Variants in GRM4 observed in about 807,000 individuals in gnomAD.
GRM4 encodes the protein glutamate metabotropic receptor 4.
Under a neutral mutation model 81.7 loss-of-function variants are expected in GRM4, and 28 were observed. The ratio of observed to expected loss-of-function variants is 0.34; its 90% CI spans 0.25 to 0.47. The LOEUF (loss-of-function observed/expected upper bound fraction) is 0.47. GRM4 is among the 20% of genes least tolerant of loss of function. The pLI is 1.00. For synonymous variants in GRM4, 488 were observed against 528.8 expected (o/e 0.92, Z 1.06); for missense variants, 948 against 1,290.0 (o/e 0.73, Z 4.06).
chr6:34,023,054 G>A (rs1384031872), intron 10 of GRM4, among the ~76,000 whole-genome samples, 184 bp from the exon 11 acceptor site: 1 of 152,244 alleles, frequency 6.6e-6, no homozygotes, highest in Non-Finnish European at 1.5e-5. Context: ...CCACCCGGTT[G>A]CTTCTCCTGC....
At chr6:34,112,740 C>A (rs1013731971) in intron 2 of GRM4, among the ~76,000 whole-genome samples, 1 of 152,066 alleles carries the variant, frequency 6.6e-6, no homozygotes, top group Non-Finnish European at 1.5e-5. Context: ...CCGCCCTATC[C>A]CCTGCCTGGC....
At chr6:34,132,935 C>G (rs372545022) in intron 2 of GRM4, 43 bp downstream of exon 2, 3 of 1,514,286 alleles carry the variant, frequency 2.0e-6, no homozygotes, top group African/African-American at 1.4e-5. Flanking sequence ...GGGCAGAGTC[C>G]GTTGGGGGAA....
intron 8 of GRM4, among the ~76,000 whole-genome samples, chr6:34,037,417 T>C (rs908874254): frequency 6.6e-6 from 1 of 152,206 alleles, no homozygotes; most frequent in Non-Finnish European, 1.5e-5. Context: ...ACCTGGGAGC[T>C]GTATTCAAAG....
intron 6 of GRM4, among the ~76,000 whole-genome samples, chr6:34,044,591 GAC>G (rs1165313599): frequency 5.9e-4 from 56 of 94,224 alleles, no homozygotes; most frequent in Non-Finnish European, 9.4e-4. Context: ...CACAGACACA[GAC>G]ACACACATAG....
intron 1 of GRM4, among the ~76,000 whole-genome samples, chr6:34,142,824 AG>A (rs927554988): frequency 2.6e-5 from 4 of 150,970 alleles, no homozygotes; most frequent in Non-Finnish European, 5.9e-5. Context: ...AGGAGGGAGG[AG>A]GGGGGGAGGA....
rs1377625319 is a variant in GRM4 at position 34,062,028 on chromosome 6, C to A, written c.737G>T (p.Gly246Val). The change falls in exon 4 of 11, where the codon GGG becomes GTG. Residue 246 changes from glycine (G) to valine (V), a missense_variant and splice_region_variant. Physicochemically the swap from Gly to Val is moderately radical, Grantham distance 109. Transcript: ENST00000538487. ...EAFIQKSREDGGVCIAQSVKI... is the reference protein window; with the variant it reads ...EAFIQKSREDVGVCIAQSVKI... ...CACCGACTGGGCGATGCACACGCCCCCTGCAGGAGGGGCACCAGTTAGTTG... is the reference window on the plus strand; with the variant it reads ...CACCGACTGGGCGATGCACACGCCCACTGCAGGAGGGGCACCAGTTAGTTG... 6.2e-7 allele frequency: 1 copy of A among 1,608,118 alleles called. No individual in the cohort carries two copies. Among genetic ancestry groups the A allele is most frequent in the Middle Eastern group, 1.7e-4 (1 of 6,038 alleles).
intron 2 of GRM4, among the ~76,000 whole-genome samples, chr6:34,117,395 G>T (rs1057002224): frequency 1.3e-5 from 2 of 152,182 alleles, no homozygotes; most frequent in Non-Finnish European, 1.5e-5. Context: ...AGCCTCAGGG[G>T]TATCTGCCTC....
In GRM4 at chr6:34,133,942, G is replaced by C. The variant is rs181906309; in HGVS notation, c.-363-83C>G. 3.3e-4 allele frequency: 184 copies of C among 562,786 alleles called. 1 individual carries two copies. In the East Asian group the frequency reaches 9.7e-3, roughly 30 times the overall value. The allele number at this position is 562,786 out of a possible 1,614,324, so 34.9% of individuals were successfully genotyped here. ...TAGTCTCATCTCTCATCAGGAGCCTGAGAGAAGGAGATGCTAGAGGTTATC... is the reference window on the plus strand; with the variant it reads ...TAGTCTCATCTCTCATCAGGAGCCTCAGAGAAGGAGATGCTAGAGGTTATC... On this transcript the variant is annotated intron_variant, in intron 1 of 10. Coordinates refer to ENST00000538487, the MANE Select transcript of GRM4 (RefSeq NM_000841.4). This position sits in a 1 kb window ranked among gnomAD's most constrained non-coding sequence, Gnocchi z 6.5.
intron 3 of GRM4, among the ~76,000 whole-genome samples, chr6:34,075,731 C>T (rs1283191328): frequency 6.6e-6 from 1 of 152,166 alleles, no homozygotes; most frequent in Admixed American, 6.5e-5. Flanking sequence ...ACATAAGGTG[C>T]TTAGAACAGT....
chr6:34,062,918 G>A (rs1441595319), intron 3 of GRM4: 3 of 152,130 alleles, frequency 2.0e-5, no homozygotes, highest in Non-Finnish European at 4.4e-5. Flanking sequence ...TGCCTTTGAC[G>A]GATGAGGAAA....
intron 3 of GRM4, among the ~76,000 whole-genome samples, chr6:34,076,419 T>C (rs1767316442): frequency 3.3e-5 from 5 of 151,830 alleles, no homozygotes; most frequent in Admixed American, 2.6e-4. Flanking sequence ...CCACTCCTTT[T>C]GGTGGCAGAA....
In GRM4 at chr6:34,064,702, C is replaced by A. The variant is rs1766360611; in HGVS notation, c.737-2674G>T. 6.6e-6 allele frequency among the ~76,000 whole-genome samples: 1 copy of A among 152,214 alleles called. No individual in the cohort carries two copies. ...CTCCTGGGATGACACAAGCTCCTGGCAGTGGCACAATCTCTGCCTCAACTG... is the reference window on the plus strand; with the variant it reads ...CTCCTGGGATGACACAAGCTCCTGGAAGTGGCACAATCTCTGCCTCAACTG... On this transcript the variant is annotated intron_variant, in intron 3 of 10. Coordinates refer to ENST00000538487, the MANE Select transcript of GRM4 (RefSeq NM_000841.4). This position sits in a 1 kb window ranked among gnomAD's most constrained non-coding sequence, Gnocchi z 4.4.
At chr6:34,137,740 T>A (rs375442575) in intron 1 of GRM4, among the ~76,000 whole-genome samples, 105 of 148,618 alleles carry the variant, frequency 7.1e-4, no homozygotes, top group African/African-American at 2.3e-3. Flanking sequence ...TGCGCCATCA[T>A]GCCCACATAA....
chr6:34,028,331 C>T lies in GRM4; in HGVS notation c.2478G>A (p.Val826=). ...YIQTTTLTVS[V]SLSASVSLGM... ...CCAGGGACACCGAGGCGCTCAGACT[C>T]ACCGAGACCGTCAGCGTCGTCGTCT... is the stretch of plus-strand genomic sequence containing the variant. The change falls in exon 10 of 11, where the codon GTG becomes GTA. Residue 826 remains valine, a synonymous_variant. Transcript: ENST00000538487. 1.2e-6 allele frequency: 2 copies of T among 1,612,352 alleles called. No individual in the cohort carries two copies. Among genetic ancestry groups the T allele is most frequent in the Non-Finnish European group, 1.7e-6 (2 of 1,179,942 alleles).
intron 2 of GRM4, among the ~76,000 whole-genome samples, chr6:34,100,402 T>C (rs1358223665): frequency 6.6e-6 from 1 of 152,038 alleles, no homozygotes; most frequent in African/African-American, 2.4e-5. Context: ...CATGTCAGAG[T>C]GTCCTAGGCT....
In GRM4 at chr6:34,130,267, G is replaced by C. The variant is rs1490858169; in HGVS notation, c.519+2711C>G. ...TGTTAAAAGGGACCCAGGGAATGCA[G>C]GCCACAGCCGGCTGGTTTTCTCCCC... On this transcript the variant is annotated intron_variant, in intron 2 of 10. Transcript: ENST00000538487. The surrounding 1 kb of genome is among the most constrained non-coding windows in gnomAD (Gnocchi z 4.1). Among the ~76,000 whole-genome samples the C allele has an allele frequency of 6.6e-6, 1 of 152,216 alleles. No individual in the cohort carries two copies. Among genetic ancestry groups the C allele is most frequent in the Non-Finnish European group, 1.5e-5 (1 of 68,038 alleles).
At chr6:34,148,661 G>A (rs865860856), upstream of GRM4, among the ~76,000 whole-genome samples, 1 of 152,206 alleles carries the variant, frequency 6.6e-6, no homozygotes, top group Non-Finnish European at 1.5e-5. Flanking sequence ...GGGGTGAGGG[G>A]AAGAGGACAC....
intron 9 of GRM4, among the ~76,000 whole-genome samples, chr6:34,029,479 T>C (rs1232710609): frequency 6.6e-6 from 1 of 152,110 alleles, no homozygotes; most frequent in East Asian, 1.9e-4. Context: ...CATTCTTATA[T>C]TCCTCCCTGT....
At chr6:34,108,490 T>C (rs1310374982) in intron 2 of GRM4, among the ~76,000 whole-genome samples, 1 of 152,206 alleles carries the variant, frequency 6.6e-6, no homozygotes. Context: ...AGCCGGGCCC[T>C]GCCTGCCATC....
Sources: allele counts gnomAD v4.1 joint callset (sites outside exome capture counted in the v4.1 genomes callset), GRCh38; gene constraint gnomAD v4.1.1; non-coding constraint Gnocchi (gnomAD v3.1); transcripts MANE v1.5; gene names NCBI Gene and HGNC (gene_info 2026-07-23, HGNC 2026-07-21).